TCF12: variants seen among roughly 807,000 people sequenced by gnomAD.
TCF12 encodes transcription factor 12, also known as DNA-binding protein HTF4.
In TCF12, 45 loss-of-function variants were observed where a neutral mutation model predicts 86.0. The observed-to-expected ratio is 0.52, with a 90% CI of 0.41 to 0.67. The LOEUF is 0.67. Among genes scored for constraint, TCF12 ranks in the 30% least tolerant of loss-of-function variants. TCF12 has a pLI of 0.00. For missense variants in TCF12, 881 were observed against 859.9 expected (o/e 1.02, Z -0.31); for synonymous variants, 330 against 299.6 (o/e 1.10, Z -1.05).
In TCF12 at chr15:56,950,745, G is replaced by GCTTTTTTTTTTT. The variant is rs1555455322; in HGVS notation, c.148+29647_148+29648insCTTTTTTTTTTT. 8.1e-5 allele frequency among the ~76,000 whole-genome samples: 7 copies of GCTTTTTTTTTTT among 85,922 alleles called. 3 individuals are homozygous for GCTTTTTTTTTTT. Among genetic ancestry groups the GCTTTTTTTTTTT allele is most frequent in the Non-Finnish European group, 6.2e-5 (3 of 48,438 alleles). The allele number at this position is 85,922 out of a possible 152,430, so 56.4% of individuals were successfully genotyped here. On this transcript the variant is annotated intron_variant, in intron 3 of 20. Coordinates refer to ENST00000333725, the MANE Select transcript of TCF12 (RefSeq NM_207037.2). ...TTACAAATAAAGCTATTATGACCAT[G>GCTTTTTTTTTTT]TTTTTTTTTTTTTTTTTTTTTTTTT...
intron 5 of TCF12, among the ~76,000 whole-genome samples, chr15:57,102,804 T>C (rs1237984646): frequency 6.6e-6 from 1 of 152,200 alleles, no homozygotes; most frequent in Non-Finnish European, 1.5e-5. Context: ...TTTTCAAATA[T>C]GGGCAAATTT....
intron 3 of TCF12, among the ~76,000 whole-genome samples, chr15:56,980,417 C>T (rs767237212): frequency 5.9e-5 from 9 of 152,060 alleles, no homozygotes; most frequent in Non-Finnish European, 8.8e-5. Context: ...TGTAAGAATC[C>T]GGGCAGTGTG....
intron 5 of TCF12, among the ~76,000 whole-genome samples, chr15:57,160,029 A>G (rs1280646231): frequency 2.0e-5 from 3 of 152,206 alleles, no homozygotes; most frequent in African/African-American, 7.2e-5. Flanking sequence ...ATTATTTTCT[A>G]TTGATAACAA....
intron 18 of TCF12, among the ~76,000 whole-genome samples, chr15:57,266,014 ACT>A (rs1410111237): frequency 6.6e-6 from 1 of 152,066 alleles, no homozygotes; most frequent in Admixed American, 6.5e-5. Flanking sequence ...ATATGGTAAG[ACT>A]CTGATTTAAA....
At chr15:57,243,921 C>G (rs530736128) in intron 13 of TCF12, among the ~76,000 whole-genome samples, 12 of 152,122 alleles carry the variant, frequency 7.9e-5, no homozygotes, top group Non-Finnish European at 1.6e-4. Flanking sequence ...CTCTGTTGCC[C>G]TGGCTGGAGT....
intron 3 of TCF12, among the ~76,000 whole-genome samples, chr15:56,957,630 A>C (rs1395870744): frequency 1.3e-5 from 2 of 152,210 alleles, no homozygotes; most frequent in Admixed American, 1.3e-4. Context: ...CTAATTTAAC[A>C]TCCTTGTCTG....
At chr15:56,954,261 T>G (rs12903733) in intron 3 of TCF12, among the ~76,000 whole-genome samples, 2,087 of 152,284 alleles carry the variant, frequency 0.014, 56 homozygotes, top group African/African-American at 0.044. Context: ...AATTTGATTG[T>G]GGTTCACATC....
intron 12 of TCF12, among the ~76,000 whole-genome samples, chr15:57,237,146 A>AGTGTGTGTGTGT (rs202142819): frequency 1.3e-5 from 2 of 150,262 alleles, no homozygotes; most frequent in East Asian, 2.0e-4. Flanking sequence ...AGAGAGAGAG[A>AGTGTGTGTGTGT]GAGTGTGTGT....
chr15:57,143,912 GAGAGATT>G (rs1310203771), intron 5 of TCF12, among the ~76,000 whole-genome samples: 1 of 152,190 alleles, frequency 6.6e-6, no homozygotes, highest in Non-Finnish European at 1.5e-5. Context: ...TCTCCAGTAA[GAGAGATT>G]AGAGTTGCTC....
At chr15:56,984,403 G>A (rs2063076528) in intron 3 of TCF12, among the ~76,000 whole-genome samples, 1 of 151,754 alleles carries the variant, frequency 6.6e-6, no homozygotes, top group African/African-American at 2.4e-5. Flanking sequence ...TACCTAACAT[G>A]GTGTGAAATA....
At chr15:57,001,347 A>G (rs974597074) in intron 3 of TCF12, 3 of 180,800 alleles carry the variant, frequency 1.7e-5, no homozygotes, top group Non-Finnish European at 3.5e-5. Flanking sequence ...TATTTTTTGT[A>G]GGTTTCACAG....
intron 8 of TCF12, among the ~76,000 whole-genome samples, chr15:57,224,627 G>T (rs1437004983): frequency 6.6e-6 from 1 of 152,094 alleles, no homozygotes; most frequent in African/African-American, 2.4e-5. Flanking sequence ...TGTTAGAAAA[G>T]AAATTTCATT....
chr15:57,076,075 C>T (rs946252692), intron 4 of TCF12, among the ~76,000 whole-genome samples: 3 of 151,326 alleles, frequency 2.0e-5, no homozygotes, highest in African/African-American at 7.3e-5. Flanking sequence ...AGGCTGTTAC[C>T]AAATTCCTGA....
intron 5 of TCF12, among the ~76,000 whole-genome samples, chr15:57,117,063 GA>G (rs556501333): frequency 5.4e-5 from 8 of 148,114 alleles, no homozygotes; most frequent in African/African-American, 1.7e-4. Context: ...AGCTAAAGTA[GA>G]AAAAAAAAGC....
chr15:57,247,357 A>G lies in TCF12; in HGVS notation c.1114+3807A>G, dbSNP rs1195028520. The stretch of plus-strand genomic sequence containing the variant: ...TTCCACCACAGCCAAAACTACCTCT[A>G]CCACCTCCAAAGTTTCCTCCATAAT... On this transcript the variant is annotated intron_variant, in intron 13 of 20. Coordinates refer to ENST00000333725, the MANE Select transcript of TCF12 (RefSeq NM_207037.2). 7 of 657,626 alleles carry G rather than the reference A, an allele frequency of 1.1e-5. No homozygotes were observed. The Admixed American group carries it at 1.3e-4, about 12-fold the overall frequency. 40.7% of individuals were successfully genotyped at this position (657,626 alleles called of 1,614,324 possible).
chr15:57,121,848 G>C (rs1295506201), intron 5 of TCF12, among the ~76,000 whole-genome samples: 2 of 152,156 alleles, frequency 1.3e-5, no homozygotes, highest in Non-Finnish European at 2.9e-5. Context: ...CATGGATACA[G>C]CTCTATTGTT....
chr15:57,188,757 T>C (rs1463096880), intron 6 of TCF12, among the ~76,000 whole-genome samples: 3 of 152,210 alleles, frequency 2.0e-5, no homozygotes, highest in Admixed American at 6.5e-5. Flanking sequence ...AATGAAGTTG[T>C]ACTTCTTCAT....
chr15:57,054,556 G>C (rs904050680), intron 3 of TCF12, among the ~76,000 whole-genome samples: 1 of 152,150 alleles, frequency 6.6e-6, no homozygotes, highest in Non-Finnish European at 1.5e-5. Flanking sequence ...GCAATGGGGT[G>C]TGTTCGCACT....
At chr15:57,130,228 T>C (rs1341480749) in intron 5 of TCF12, among the ~76,000 whole-genome samples, 3 of 152,196 alleles carry the variant, frequency 2.0e-5, no homozygotes, top group Non-Finnish European at 4.4e-5. Context: ...CAAAGACTGT[T>C]TCAGCTAGAA....
Sources: allele counts gnomAD v4.1 joint callset (sites outside exome capture counted in the v4.1 genomes callset), GRCh38; gene constraint gnomAD v4.1.1; transcripts MANE v1.5; gene names NCBI Gene and HGNC (gene_info 2026-07-23, HGNC 2026-07-21).